Variants in HTR2C observed in about 807,000 individuals in gnomAD.
The protein encoded by HTR2C is 5-hydroxytryptamine receptor 2C.
Under a neutral mutation model 21.0 loss-of-function variants are expected in HTR2C, and 5 were observed. The ratio of observed to expected loss-of-function variants is 0.24; its 90% CI spans 0.12 to 0.50. The LOEUF (loss-of-function observed/expected upper bound fraction) is 0.50, where lower values mean the gene tolerates loss of function less well. Among genes scored for constraint, HTR2C ranks in the 20% least tolerant of loss-of-function variants. HTR2C has a pLI of 0.98. For synonymous variants in HTR2C, 150 were observed against 145.3 expected (o/e 1.03, Z -0.23); for missense variants, 271 against 371.2 (o/e 0.73, Z 2.22).
rs148479912 is a variant in HTR2C at position 114,807,048 on chromosome X, CCATATATACACCATATATAT to C, written c.350-40954_350-40935del. Among the ~76,000 whole-genome samples, 53 of 11,932 alleles carry C rather than the reference CCATATATACACCATATATAT, an allele frequency of 4.4e-3. 14 individuals carry two copies. Among genetic ancestry groups the C allele is most frequent in the Non-Finnish European group, 8.9e-3 (35 of 3,943 alleles). 10.4% of individuals were successfully genotyped at this position (11,932 alleles called of 115,157 possible). A position where few individuals can be genotyped will look rare whatever the true frequency, so the allele number is the denominator to read the frequency against. Reference sequence around the variant, plus strand: ...ATATACCATATACACCATATATATACCATATATACACCATATATATACCATATATACACCATATATATACC... The same window carrying C: ...ATATACCATATACACCATATATATACACCATATATACACCATATATATACC... On this transcript the variant is annotated intron_variant, in intron 4 of 5. Coordinates refer to ENST00000276198, the MANE Select transcript of HTR2C (RefSeq NM_000868.4).
At chrX:114,760,771 C>A (rs1556432085) in intron 4 of HTR2C, among the ~76,000 whole-genome samples, 1 of 111,613 alleles carries the variant, frequency 9.0e-6, no homozygotes, top group Non-Finnish European at 1.9e-5. Context: ...AATCCTCCCA[C>A]CTCGGCCTCC....
intron 2 of HTR2C, among the ~76,000 whole-genome samples, chrX:114,619,005 C>T (rs1456843684): frequency 9.0e-6 from 1 of 111,440 alleles, no homozygotes; most frequent in African/African-American, 3.3e-5. Context: ...TAGATGTATA[C>T]ATAAATTAAT....
At chrX:114,702,495 C>T (rs1932566229) in intron 2 of HTR2C, among the ~76,000 whole-genome samples, 1 of 110,535 alleles carries the variant, frequency 9.0e-6, no homozygotes, top group East Asian at 2.8e-4. Flanking sequence ...AAATCTTTTA[C>T]AGACAAGCAA....
chrX:114,661,170 G>C (rs782022519), intron 2 of HTR2C, among the ~76,000 whole-genome samples: 77 of 111,544 alleles, frequency 6.9e-4, no homozygotes, highest in African/African-American at 2.5e-3. Flanking sequence ...GAGTGGAAAA[G>C]TTGGCCGGGC....
intron 5 of HTR2C, among the ~76,000 whole-genome samples, chrX:114,853,267 A>G (rs2070934178): frequency 9.0e-6 from 1 of 111,181 alleles, no homozygotes; most frequent in South Asian, 3.7e-4. Context: ...ATAGCTCTTT[A>G]TAAGTTATAG....
intron 4 of HTR2C, among the ~76,000 whole-genome samples, chrX:114,781,353 T>G (rs1360127535): frequency 9.1e-6 from 1 of 110,476 alleles, no homozygotes; most frequent in Non-Finnish European, 1.9e-5. Context: ...AAAATTAGCC[T>G]GGTGTGGTGG....
chrX:114,753,596 G>A (rs947180952), intron 4 of HTR2C, among the ~76,000 whole-genome samples: 3 of 111,288 alleles, frequency 2.7e-5, no homozygotes, highest in African/African-American at 9.8e-5. Context: ...AGTCACAAGG[G>A]TATAAAATCA....
chrX:114,810,709 G>A (rs2070522423), intron 4 of HTR2C, among the ~76,000 whole-genome samples: 1 of 108,538 alleles, frequency 9.2e-6, no homozygotes, highest in African/African-American at 3.4e-5. Flanking sequence ...TTAATACAAT[G>A]TTAAAACCAG....
intron 4 of HTR2C, among the ~76,000 whole-genome samples, chrX:114,749,891 T>C (rs1404127158): frequency 8.9e-6 from 1 of 112,250 alleles, no homozygotes; most frequent in African/African-American, 3.2e-5. Context: ...TATGTTTTCA[T>C]TCGTAGAGCT....
chrX:114,585,018 A>T (rs1259130091), intron 1 of HTR2C, among the ~76,000 whole-genome samples: 1 of 108,013 alleles, frequency 9.3e-6, no homozygotes, highest in African/African-American at 3.4e-5. Flanking sequence ...GGGAGGAGAG[A>T]AAGGAGGGAA....
intron 2 of HTR2C, among the ~76,000 whole-genome samples, chrX:114,629,109 C>G (rs1442819777): frequency 8.9e-6 from 1 of 111,762 alleles, no homozygotes; most frequent in Non-Finnish European, 1.9e-5. Flanking sequence ...TATCTATACT[C>G]TGGTTACCCA....
chrX:114,902,395 T>C (rs2147537370), intron 5 of HTR2C, among the ~76,000 whole-genome samples: 1 of 109,661 alleles, frequency 9.1e-6, no homozygotes, highest in South Asian at 3.8e-4. Flanking sequence ...TCCAAAAGAG[T>C]TTTTGCTTAT....
Position 114,585,039 on chromosome X carries a change from A to G in HTR2C, c.-147+380A>G, listed in dbSNP as rs782711310. ...AGAGAAAGGAGGGAAACTGAACGCA[A>G]TGTCGCTGAGTAGAGGGTCGGGCTG... On this transcript the variant is annotated intron_variant, in intron 1 of 5. Transcript: ENST00000276198. Among the ~76,000 whole-genome samples the G allele has an allele frequency of 3.2e-4, 35 of 108,870 alleles. 1 individual carries two copies. In the South Asian group the frequency reaches 0.014, roughly 43 times the overall value. 94.5% of individuals were successfully genotyped at this position (108,870 alleles called of 115,157 possible). A position where few individuals can be genotyped will look rare whatever the true frequency, so the allele number is the denominator to read the frequency against.
At chrX:114,782,545 T>A (rs1363044133) in intron 4 of HTR2C, among the ~76,000 whole-genome samples, 1 of 110,571 alleles carries the variant, frequency 9.0e-6, no homozygotes, top group Non-Finnish European at 1.9e-5. Flanking sequence ...AGGAAGACCC[T>A]GTCTCCACAA....
In HTR2C at chrX:114,637,292, T is replaced by C. The variant is rs190574309; in HGVS notation, c.-80+23411T>C. On this transcript the variant is annotated intron_variant, in intron 2 of 5. Transcript: ENST00000276198. ...AATCTGTCTTTTCAAATATACTGCA[T>C]GAGAAATATAAATCAGTCTTTGTTT... Among the ~76,000 whole-genome samples, 6 of 111,569 alleles carry C rather than the reference T, an allele frequency of 5.4e-5. No homozygotes were observed. The Admixed American group carries it at 5.8e-4, about 11-fold the overall frequency.
chrX:114,885,847 G>T (rs782321840), intron 5 of HTR2C, among the ~76,000 whole-genome samples: 1 of 111,503 alleles, frequency 9.0e-6, no homozygotes, highest in South Asian at 3.7e-4. Context: ...TGAGTAGATT[G>T]ATCTACAGAT....
At chrX:114,607,474 A>G (rs192420980) in intron 1 of HTR2C, among the ~76,000 whole-genome samples, 2 of 111,824 alleles carry the variant, frequency 1.8e-5, no homozygotes, top group Admixed American at 1.9e-4. Context: ...CTGATTATAC[A>G]CAAGCATTGA....
At chrX:114,812,754 A>AAAC (rs1556453117) in intron 4 of HTR2C, among the ~76,000 whole-genome samples, 2 of 6,323 alleles carry the variant, frequency 3.2e-4, no homozygotes, top group African/African-American at 9.7e-4. Flanking sequence ...ACAAACAAAC[A>AAAC]AAAAAAAAAA....
chrX:114,800,827 G>A (rs12008853), intron 4 of HTR2C, among the ~76,000 whole-genome samples: 11,058 of 111,113 alleles, frequency 0.1, 553 homozygotes, highest in Middle Eastern at 0.17. Context: ...TTATCCCATA[G>A]GAACAAGTTT....
Sources: gnomAD v4.1 joint callset for allele counts (sites outside exome capture counted in the v4.1 genomes callset) on GRCh38, gnomAD v4.1.1 for gene constraint, MANE v1.5 for transcripts, NCBI Gene and HGNC (gene_info 2026-07-23, HGNC 2026-07-21) for gene names.